Variants in CDH2 observed in about 807,000 individuals in gnomAD.
CDH2 encodes cadherin-2.
CDH2 carries 17 observed loss-of-function variants against 92.0 expected under a neutral mutation model. The ratio of observed to expected loss-of-function variants is 0.18; its 90% CI spans 0.13 to 0.28. CDH2 has a LOEUF of 0.28. Among genes scored for constraint, CDH2 ranks in the 10% least tolerant of loss-of-function variants. CDH2 has a pLI of 1.00. For missense variants in CDH2, 862 were observed against 1,133.1 expected (o/e 0.76, Z 3.44); for synonymous variants, 419 against 415.9 (o/e 1.01, Z -0.09).
chr18:28,015,772 A>C (rs900420938), intron 2 of CDH2, among the ~76,000 whole-genome samples: 2 of 152,148 alleles, frequency 1.3e-5, no homozygotes, highest in Non-Finnish European at 2.9e-5. Flanking sequence ...TGGTCATGGC[A>C]TGCCCACTGC....
rs947597058 is a variant in CDH2, at chr18:28,173,315, T to C, written c.60+3648A>G. 5.9e-5 allele frequency among the ~76,000 whole-genome samples: 9 copies of C among 152,260 alleles called. No homozygotes were observed. In the East Asian group the frequency reaches 1.5e-3, roughly 26 times the overall value. ...CTTTCACCTATTAGTAATGACCGCA[T>C]GCCTCAAGTTAAGAAAAGCAAAGAA... On this transcript the variant is annotated intron_variant, in intron 1 of 15. Coordinates refer to ENST00000269141, the MANE Select transcript of CDH2 (RefSeq NM_001792.5).
intron 7 of CDH2, among the ~76,000 whole-genome samples, chr18:27,999,434 A>G (rs1463844128): frequency 1.3e-5 from 2 of 152,096 alleles, no homozygotes; most frequent in Admixed American, 6.5e-5. Context: ...AAACAGGAGA[A>G]CACCCCTTCA....
chr18:27,952,388 GAATT>G (rs1567933369), intron 15 of CDH2, 29 bp from the exon 16 acceptor site: 1 of 1,568,966 alleles, frequency 6.4e-7, no homozygotes, highest in Non-Finnish European at 8.8e-7. Flanking sequence ...AAGAATGAAA[GAATT>G]AAGAGAGGGT....
chr18:28,014,845 A>G, intron 2 of CDH2, among the ~76,000 whole-genome samples: 1 of 152,306 alleles, frequency 6.6e-6, no homozygotes, highest in East Asian at 1.9e-4. Flanking sequence ...AGATGTAATA[A>G]AATAATAAAA....
At chr18:28,169,131 A>C (rs1944288) in intron 1 of CDH2, among the ~76,000 whole-genome samples, 42,738 of 152,012 alleles carry the variant, frequency 0.28, 6,974 homozygotes, top group African/African-American at 0.45. Context: ...TTTAATACTA[A>C]CAGACATTGG....
At chr18:27,977,247 A>C (rs761697680) in intron 14 of CDH2, among the ~76,000 whole-genome samples, 1 of 152,224 alleles carries the variant, frequency 6.6e-6, no homozygotes, top group Non-Finnish European at 1.5e-5. Flanking sequence ...GCTAGTTTCA[A>C]ATATGGGCCC....
At chr18:28,053,698 T>C (rs908417511) in intron 2 of CDH2, among the ~76,000 whole-genome samples, 2 of 152,226 alleles carry the variant, frequency 1.3e-5, no homozygotes, top group Non-Finnish European at 2.9e-5. Flanking sequence ...GGGCTGCCCG[T>C]TTCAAGATTC....
At chr18:28,090,220 G>C (rs141814720) in intron 2 of CDH2, among the ~76,000 whole-genome samples, 176 of 152,280 alleles carry the variant, frequency 1.2e-3, no homozygotes, top group African/African-American at 4.0e-3. Context: ...CTAAGACAAT[G>C]CCTATAAACT....
chr18:28,103,568 G>T (rs987292379), intron 2 of CDH2, among the ~76,000 whole-genome samples: 1 of 151,262 alleles, frequency 6.6e-6, no homozygotes, highest in Admixed American at 6.6e-5. Flanking sequence ...TTGTTACATA[G>T]GTATACACAT....
intron 8 of CDH2, 103 bp from the exon 9 acceptor site, chr18:27,992,943 T>TACTCCCC: frequency 2.9e-6 from 2 of 688,052 alleles, no homozygotes; most frequent in Non-Finnish European, 2.4e-6. Flanking sequence ...ATTAGATTTT[T>TACTCCCC]ATTATCTACA....
chr18:28,089,197 A>G (rs2014992676), intron 2 of CDH2, among the ~76,000 whole-genome samples: 1 of 152,150 alleles, frequency 6.6e-6, no homozygotes, highest in African/African-American at 2.4e-5. Context: ...AGAAAAACCT[A>G]AATGCCAAAC....
At chr18:28,161,311 G>A (rs1400372359) in intron 1 of CDH2, among the ~76,000 whole-genome samples, 1 of 152,096 alleles carries the variant, frequency 6.6e-6, no homozygotes, top group Non-Finnish European at 1.5e-5. Flanking sequence ...CGGGCACAGT[G>A]GTCACGCCTG....
intron 2 of CDH2, among the ~76,000 whole-genome samples, chr18:28,051,861 A>G (rs983495750): frequency 2.0e-5 from 3 of 152,174 alleles, no homozygotes; most frequent in African/African-American, 7.2e-5. Context: ...ACTGGGAATG[A>G]TTGCAAAATA....
chr18:28,147,800 A>G lies in CDH2; in HGVS notation c.61-16T>C, dbSNP rs2016060867. 2.1e-6 allele frequency: 3 copies of G among 1,425,646 alleles called. No homozygotes were observed. Among genetic ancestry groups the G allele is most frequent in the Non-Finnish European group, 2.9e-6 (3 of 1,027,882 alleles). 88.3% of individuals were successfully genotyped at this position (1,425,646 alleles called of 1,614,324 possible). On this transcript the variant is annotated splice_polypyrimidine_tract_variant and intron_variant, in intron 1 of 15. Coordinates refer to ENST00000269141, the MANE Select transcript of CDH2 (RefSeq NM_001792.5). ...CTACAGACGCCTGCAACACAAGAAA[A>G]AAAAAAAAAATGTGTGCAATGATTG...
At chr18:28,163,244 A>C (rs1276155066) in intron 1 of CDH2, among the ~76,000 whole-genome samples, 1 of 152,172 alleles carries the variant, frequency 6.6e-6, no homozygotes, top group African/African-American at 2.4e-5. Context: ...AGTATCCTAA[A>C]ATTAGGGGGA....
intron 6 of CDH2, among the ~76,000 whole-genome samples, chr18:27,940,030 C>T (rs1351986048): frequency 2.0e-5 from 3 of 152,190 alleles, no homozygotes; most frequent in Non-Finnish European, 2.9e-5. Flanking sequence ...TTCTAGTTTC[C>T]TCAGGTATCA....
chr18:28,131,683 G>GTTGTGT (rs374374605), intron 2 of CDH2, among the ~76,000 whole-genome samples: 2,025 of 150,168 alleles, frequency 0.013, 35 homozygotes, highest in African/African-American at 0.04. Flanking sequence ...AAGCATTTGT[G>GTTGTGT]GTGTGTGTGT....
At chr18:27,948,563 T>C (rs1909332718), downstream of CDH2, among the ~76,000 whole-genome samples, 1 of 151,584 alleles carries the variant, frequency 6.6e-6, no homozygotes, top group Admixed American at 6.6e-5. Context: ...TAGCAAAAGA[T>C]CATGAAAAAA....
intron 14 of CDH2, among the ~76,000 whole-genome samples, chr18:27,982,461 A>C (rs971612636): frequency 2.8e-4 from 43 of 152,322 alleles, no homozygotes; most frequent in African/African-American, 9.9e-4. Flanking sequence ...TTTCACAAGA[A>C]TGTAAGACTC....
Sources: gnomAD v4.1 joint callset for allele counts (sites outside exome capture counted in the v4.1 genomes callset) on GRCh38, gnomAD v4.1.1 for gene constraint, MANE v1.5 for transcripts, NCBI Gene and HGNC (gene_info 2026-07-23, HGNC 2026-07-21) for gene names.